The following DIP2A variants were observed in gnomAD, a reference collection of about 807,000 sequenced individuals.
DIP2A encodes the protein DIP2 acetate--CoA ligase A.
In DIP2A, 85 loss-of-function variants were observed where a neutral mutation model predicts 177.4. That is an observed-to-expected ratio of 0.48 (90% CI 0.40 to 0.57). The LOEUF (loss-of-function observed/expected upper bound fraction) is 0.57, where lower values mean the gene tolerates loss of function less well. Among genes scored for constraint, DIP2A ranks in the 20% least tolerant of loss-of-function variants. DIP2A has a pLI of 0.00. For missense variants in DIP2A, 1,791 were observed against 2,100.2 expected (o/e 0.85, Z 2.88); for synonymous variants, 886 against 881.8 (o/e 1.00, Z -0.08).
chr21:46,565,600 C>T lies in DIP2A; in HGVS notation c.4165-113C>T, dbSNP rs143768561. On this transcript the variant is annotated intron_variant, in intron 35 of 37. Transcript: ENST00000417564. ...AAGAGACAATGAATATTATCCGCCC[C>T]GACTTCGTTCAGTGTTTTCTGGAGC... 2,110 of 1,117,418 alleles carry T rather than the reference C, an allele frequency of 1.9e-3. 14 individuals are homozygous for T. Among genetic ancestry groups the T allele is most frequent in the African/African-American group, 0.015 (946 of 63,372 alleles). The allele number at this position is 1,117,418 out of a possible 1,614,324, so 69.2% of individuals were successfully genotyped here.
intron 1 of DIP2A, among the ~76,000 whole-genome samples, chr21:46,472,552 T>A (rs1244083994): frequency 6.6e-6 from 1 of 152,182 alleles, no homozygotes; most frequent in African/African-American, 2.4e-5. Context: ...TACAGTTTCC[T>A]TGAGCTTTGT....
chr21:46,546,279 A>G (rs2060035858), intron 20 of DIP2A: 1 of 1,127,412 alleles, frequency 8.9e-7, no homozygotes, highest in Non-Finnish European at 1.1e-6. Context: ...TGTCTAAACT[A>G]TTCAAAAATA....
At chr21:46,464,667 C>T (rs1333671086) in intron 1 of DIP2A, among the ~76,000 whole-genome samples, 2 of 152,050 alleles carry the variant, frequency 1.3e-5, no homozygotes, top group African/African-American at 4.8e-5. Context: ...GGAAGGGGGC[C>T]AAAATCATCC....
At chr21:46,552,036 C>T in intron 25 of DIP2A, 132 bp downstream of exon 25, 1 of 1,082,382 alleles carries the variant, frequency 9.2e-7, no homozygotes, top group Non-Finnish European at 1.4e-6. Context: ...GGACTCAGCC[C>T]CCGTCCTGGT....
chr21:46,466,153 T>C (rs1299316019), intron 1 of DIP2A, among the ~76,000 whole-genome samples: 1 of 152,178 alleles, frequency 6.6e-6, no homozygotes, highest in Non-Finnish European at 1.5e-5. Context: ...TTTGATATTA[T>C]ATAATTAAAT....
intron 3 of DIP2A, among the ~76,000 whole-genome samples, chr21:46,491,761 C>T (rs1264421051): frequency 6.6e-6 from 1 of 152,134 alleles, no homozygotes; most frequent in Non-Finnish European, 1.5e-5. Context: ...TCCTTATTTT[C>T]TACATGTCCC....
intron 6 of DIP2A, among the ~76,000 whole-genome samples, chr21:46,508,986 T>A (rs2058167930): frequency 6.6e-6 from 1 of 152,010 alleles, no homozygotes; most frequent in African/African-American, 2.4e-5. Context: ...GCCACTGCAC[T>A]CTAGCCTGGC....
rs60346777 is a variant in DIP2A, at chr21:46,461,271, C to CAAAAAAAAAAAAAAAAAAAAAAAAAA, written c.91+2071_91+2072insAAAAAAAAAAAAAAAAAAAAAAAAAA. On this transcript the variant is annotated intron_variant, in intron 1 of 37. Transcript: ENST00000417564. ...AGAGCGAGAACCTGTCTCTTCTCAC[C>CAAAAAAAAAAAAAAAAAAAAAAAAAA]AAAAAAAAAAAAAAAAAAAAAAGGA... Among the ~76,000 whole-genome samples the CAAAAAAAAAAAAAAAAAAAAAAAAAA allele has an allele frequency of 2.6e-4, 13 of 49,320 alleles. 2 individuals carry two copies. Among genetic ancestry groups the CAAAAAAAAAAAAAAAAAAAAAAAAAA allele is most frequent in the Admixed American group, 6.4e-4 (2 of 3,134 alleles). The allele number at this position is 49,320 out of a possible 152,430, so 32.4% of individuals were successfully genotyped here.
At position 46,498,060 on chromosome 21, in the gene DIP2A, C is replaced by A. The variant is rs952851724; in HGVS notation, c.404-522C>A. On this transcript the variant is annotated intron_variant, in intron 4 of 37. Transcript: ENST00000417564. This position sits in a 1 kb window ranked among gnomAD's most constrained non-coding sequence, Gnocchi z 4.3. Reference sequence around the variant, plus strand: ...GTTTTTAGGGCTAGTTCACATGACTCCCCTGAAAGGATGCATGTAGACAGG... The same window carrying A: ...GTTTTTAGGGCTAGTTCACATGACTACCCTGAAAGGATGCATGTAGACAGG... Among the ~76,000 whole-genome samples the A allele has an allele frequency of 6.6e-6, 1 of 152,182 alleles. No homozygotes were observed. The highest frequency in any genetic ancestry group is 2.1e-4 in the South Asian group (1 of 4,830).
At chr21:46,500,881 G>A (rs1013403691) in intron 5 of DIP2A, among the ~76,000 whole-genome samples, 1 of 152,196 alleles carries the variant, frequency 6.6e-6, no homozygotes, top group African/African-American at 2.4e-5. Flanking sequence ...GACAGCTCCT[G>A]ACTCCTGCAG....
Position 46,563,789 on chromosome 21 carries a change from A to G in DIP2A, c.4090-69A>G, listed in dbSNP as rs2060747604. On this transcript the variant is annotated intron_variant, in intron 34 of 37. Transcript: ENST00000417564. This position sits in a 1 kb window ranked among gnomAD's most constrained non-coding sequence, Gnocchi z 4.3. Reference sequence around the variant, plus strand: ...CCAGCTTCTGAGGGACGTTATTTTAATGTCACTGAATCAAGAGAGTCTCGT... The same window carrying G: ...CCAGCTTCTGAGGGACGTTATTTTAGTGTCACTGAATCAAGAGAGTCTCGT... 6.3e-7 allele frequency: 1 copy of G among 1,576,802 alleles called. No individual in the cohort carries two copies. Among genetic ancestry groups the G allele is most frequent in the African/African-American group, 1.4e-5 (1 of 73,972 alleles).
chr21:46,465,339 G>A (rs1272955908), intron 1 of DIP2A, among the ~76,000 whole-genome samples: 2 of 152,006 alleles, frequency 1.3e-5, no homozygotes, highest in Non-Finnish European at 2.9e-5. Context: ...AGGCCGAGGT[G>A]GTTGGATCAC....
At chr21:46,550,181 A>T (rs979703152) in intron 22 of DIP2A, 3 of 792,452 alleles carry the variant, frequency 3.8e-6, no homozygotes, top group Non-Finnish European at 5.7e-6. Flanking sequence ...TGAAATGTAC[A>T]TTATTATATT....
intron 3 of DIP2A, among the ~76,000 whole-genome samples, chr21:46,495,249 TCTCTC>T (rs1466858395): frequency 4.5e-5 from 4 of 89,730 alleles, no homozygotes; most frequent in African/African-American, 2.2e-4. Flanking sequence ...CTTCTTTCTC[TCTCTC>T]TCTCTCTCTC....
chr21:46,540,963 C>T (rs150993547), intron 17 of DIP2A, among the ~76,000 whole-genome samples: 17 of 143,382 alleles, frequency 1.2e-4, no homozygotes, highest in Middle Eastern at 3.7e-3. Context: ...TGCAATGAGC[C>T]AAGATCATGC....
chr21:46,550,816 G>A (rs778853406), intron 23 of DIP2A, 72 bp downstream of exon 23: 210 of 1,488,488 alleles, frequency 1.4e-4, no homozygotes, highest in Non-Finnish European at 1.2e-4. Flanking sequence ...GTTAGGGTGC[G>A]GCCCTGCTAG....
intron 33 of DIP2A, chr21:46,561,023 G>T: frequency 1.0e-6 from 1 of 985,360 alleles, no homozygotes. Flanking sequence ...GGGGAGCTCA[G>T]TGTCTATCTC....
intron 1 of DIP2A, among the ~76,000 whole-genome samples, chr21:46,474,091 A>G (rs2055635996): frequency 6.6e-6 from 1 of 152,140 alleles, no homozygotes; most frequent in Admixed American, 6.5e-5. Flanking sequence ...AGCTGAGCCA[A>G]TAGGATGGAG....
chr21:46,493,815 G>A (rs1359980956), intron 3 of DIP2A, among the ~76,000 whole-genome samples: 1 of 152,138 alleles, frequency 6.6e-6, no homozygotes, highest in Non-Finnish European at 1.5e-5. Flanking sequence ...TCAGACATTT[G>A]TTGGGGAAAA....
Sources: allele counts gnomAD v4.1 joint callset (sites outside exome capture counted in the v4.1 genomes callset), GRCh38; gene constraint gnomAD v4.1.1; non-coding constraint Gnocchi (gnomAD v3.1); transcripts MANE v1.5; gene names NCBI Gene and HGNC (gene_info 2026-07-23, HGNC 2026-07-21).